The following HMGB1 variants were observed in gnomAD, a reference collection of about 807,000 sequenced individuals.
HMGB1 encodes the protein high mobility group box 1.
For missense variants in HMGB1, 79 were observed against 253.5 expected (o/e 0.31, Z 4.67); for synonymous variants, 81 against 84.0 (o/e 0.96, Z 0.19).
chr13:30,556,663 G>A (rs1261957402), intron 1 of HMGB1, among the ~76,000 whole-genome samples: 1 of 152,184 alleles, frequency 6.6e-6, no homozygotes, highest in African/African-American at 2.4e-5. Context: ...GGAACAGAAA[G>A]TTAAACAGTG....
chr13:30,475,947 C>T (rs1242114349), intron 1 of HMGB1, among the ~76,000 whole-genome samples: 3 of 152,110 alleles, frequency 2.0e-5, no homozygotes, highest in Admixed American at 6.6e-5. Context: ...ACCTCCCTGG[C>T]CCCTGCAGAC....
In HMGB1 at chr13:30,485,913, A is replaced by G. The variant is rs138477564; in HGVS notation, c.-14-22219T>C. Among the ~76,000 whole-genome samples, 1,092 of 152,354 alleles carry G rather than the reference A, an allele frequency of 7.2e-3. 9 individuals are homozygous for G. Among genetic ancestry groups the G allele is most frequent in the Middle Eastern group, 0.014 (4 of 294 alleles). On this transcript the variant is annotated intron_variant, in intron 1 of 4. Coordinates refer to the HMGB1 transcript ENST00000405805. ...CCAGCATCCCTATGTCTTAGATGAA[A>G]GAAATTGGATCTAGAGAAAGTCAGT...
chr13:30,480,662 T>G lies in HMGB1; in HGVS notation c.-14-16968A>C, dbSNP rs1043197584. Among the ~76,000 whole-genome samples the G allele has an allele frequency of 2.6e-5, 4 of 152,152 alleles. No individual in the cohort carries two copies. In the East Asian group the frequency reaches 7.7e-4, roughly 29 times the overall value. On this transcript the variant is annotated intron_variant, in intron 1 of 4. Transcript: ENST00000405805. ...GGAGAGCCAGGCCTCAGTGAGGACC[T>G]GCTCCCTTCTATGTCGGTCGCTCTC...
intron 1 of HMGB1, among the ~76,000 whole-genome samples, chr13:30,488,208 C>A (rs1006899048): frequency 6.6e-6 from 1 of 152,088 alleles, no homozygotes. Flanking sequence ...TACTAAATAG[C>A]GTGTAAAACA....
chr13:30,617,221 G>A (rs1358977473), exon 1 of HMGB1: 1 of 152,374 alleles, frequency 6.6e-6, no homozygotes, highest in African/African-American at 2.4e-5. Context: ...CTTACCGTGA[G>A]AAGATCTGGG....
intron 1 of HMGB1, among the ~76,000 whole-genome samples, chr13:30,604,689 G>A (rs1193956728): frequency 2.6e-5 from 4 of 152,162 alleles, no homozygotes; most frequent in Admixed American, 6.5e-5. Flanking sequence ...ACGGAGTCTC[G>A]CTCTGTCGCC....
intron 1 of HMGB1, among the ~76,000 whole-genome samples, chr13:30,488,666 ATT>A (rs1887418259): frequency 7.0e-6 from 1 of 142,060 alleles, no homozygotes; most frequent in African/African-American, 2.6e-5. Context: ...TATTATTATT[ATT>A]ATTATTATTA....
chr13:30,575,107 C>T (rs1459548994), intron 1 of HMGB1, among the ~76,000 whole-genome samples: 2 of 152,020 alleles, frequency 1.3e-5, no homozygotes, highest in South Asian at 2.1e-4. Context: ...TAAGTGTCAG[C>T]GTATACATTT....
chr13:30,475,380 T>A (rs935260064), intron 1 of HMGB1, among the ~76,000 whole-genome samples: 3 of 151,522 alleles, frequency 2.0e-5, no homozygotes, highest in African/African-American at 7.3e-5. Flanking sequence ...TTAATTATGT[T>A]TTTGTATTTT....
At chr13:30,575,024 G>A (rs1444652736) in intron 1 of HMGB1, among the ~76,000 whole-genome samples, 1 of 152,040 alleles carries the variant, frequency 6.6e-6, no homozygotes, top group Non-Finnish European at 1.5e-5. Context: ...TATCTTAATT[G>A]ATATATTAAA....
intron 1 of HMGB1, among the ~76,000 whole-genome samples, chr13:30,610,367 G>T (rs1950502727): frequency 6.6e-6 from 1 of 152,214 alleles, no homozygotes; most frequent in Non-Finnish European, 1.5e-5. Context: ...AGTGCTAGGA[G>T]TTGGAAAAGG....
At chr13:30,492,100 G>T (rs771692029) in intron 1 of HMGB1, among the ~76,000 whole-genome samples, 1 of 152,084 alleles carries the variant, frequency 6.6e-6, no homozygotes, top group Non-Finnish European at 1.5e-5. Context: ...GCCAGGAGGC[G>T]GAGGTTGCAG....
chr13:30,544,864 C>T (rs533421496), intron 1 of HMGB1, among the ~76,000 whole-genome samples: 1 of 152,256 alleles, frequency 6.6e-6, no homozygotes, highest in Admixed American at 6.5e-5. Flanking sequence ...TCTGCAACTG[C>T]AGGGCCCAAT....
chr13:30,544,936 C>T (rs1041729235), intron 1 of HMGB1, among the ~76,000 whole-genome samples: 9 of 152,146 alleles, frequency 5.9e-5, no homozygotes, highest in Non-Finnish European at 1.0e-4. Context: ...AGTCAGGAGG[C>T]GCCTCGATGT....
At chr13:30,521,811 G>C (rs1287921634) in intron 1 of HMGB1, among the ~76,000 whole-genome samples, 2 of 152,198 alleles carry the variant, frequency 1.3e-5, no homozygotes, top group African/African-American at 4.8e-5. Context: ...CCAAAGCAGA[G>C]GAACCATTTT....
At chr13:30,554,841 T>C (rs1376170794) in intron 1 of HMGB1, 16 of 748,562 alleles carry the variant, frequency 2.1e-5, no homozygotes, top group Non-Finnish European at 4.0e-5. Flanking sequence ...GAGAATATTC[T>C]GGAGCTATAA....
At chr13:30,565,801 G>A (rs187389652) in intron 1 of HMGB1, among the ~76,000 whole-genome samples, 11 of 152,312 alleles carry the variant, frequency 7.2e-5, no homozygotes, top group African/African-American at 1.4e-4. Flanking sequence ...TGGGAGGGAT[G>A]AGCTGAAAAG....
intron 2 of HMGB1, 41 bp from the exon 3 acceptor site, chr13:30,463,393 A>C (rs1886482730): frequency 6.4e-7 from 1 of 1,563,414 alleles, no homozygotes; most frequent in Non-Finnish European, 8.7e-7. Context: ...GTAACATTTA[A>C]GTAAATTATC....
intron 1 of HMGB1, among the ~76,000 whole-genome samples, chr13:30,512,296 T>C (rs1052539858): frequency 5.3e-5 from 8 of 152,130 alleles, no homozygotes; most frequent in Non-Finnish European, 7.4e-5. Flanking sequence ...GATTGTAATT[T>C]AGGGAGCAGA....
Sources: gnomAD v4.1 joint callset for allele counts (sites outside exome capture counted in the v4.1 genomes callset) on GRCh38, gnomAD v4.1.1 for gene constraint, MANE v1.5 for transcripts, NCBI Gene and HGNC (gene_info 2026-07-23, HGNC 2026-07-21) for gene names.